Variants in WDR64 observed in about 807,000 individuals in gnomAD.
The protein encoded by WDR64 is WD repeat-containing protein 64.
In WDR64, 112 loss-of-function variants were observed where a neutral mutation model predicts 139.3. That is an observed-to-expected ratio of 0.80 (90% confidence interval 0.69 to 0.94). The LOEUF (loss-of-function observed/expected upper bound fraction) is 0.94, where lower values mean the gene tolerates loss of function less well. WDR64 is among the 40% of genes least tolerant of loss of function. The pLI is 0.00. For synonymous variants in WDR64, 444 were observed against 437.7 expected, an observed-to-expected ratio of 1.01 and a Z score of -0.18; for missense variants, 1,206 against 1,293.1, an observed-to-expected ratio of 0.93 and a Z score of 1.03.
intron 4 of WDR64, among the ~76,000 whole-genome samples, chr1:241,674,981 T>TTTTCTCCC (rs1666431973): frequency 2.7e-5 from 1 of 37,680 alleles, no homozygotes; most frequent in South Asian, 9.9e-4. Flanking sequence ...TCTTTCCTTC[T>TTTTCTCCC]TTCCTCCCTT....
At chr1:241,688,940 TGC>T (rs1311540727) in intron 8 of WDR64, among the ~76,000 whole-genome samples, 1 of 152,138 alleles carries the variant, frequency 6.6e-6, no homozygotes, top group African/African-American at 2.4e-5. Flanking sequence ...TTTTGAAACG[TGC>T]CAGAACATGT....
chr1:241,661,309 C>G (rs1249520231), intron 2 of WDR64, among the ~76,000 whole-genome samples: 1 of 151,684 alleles, frequency 6.6e-6, no homozygotes, highest in Non-Finnish European at 1.5e-5. Context: ...ATATATGGAG[C>G]CATCTCAAAA....
chr1:241,699,194 A>C (rs536652842), intron 8 of WDR64, among the ~76,000 whole-genome samples: 9 of 152,232 alleles, frequency 5.9e-5, no homozygotes, highest in Non-Finnish European at 1.2e-4. Context: ...CACATGCCTC[A>C]ATTTTTATTT....
chr1:241,699,003 G>A (rs984925600), intron 8 of WDR64, among the ~76,000 whole-genome samples: 1 of 152,018 alleles, frequency 6.6e-6, no homozygotes, highest in Admixed American at 6.6e-5. Flanking sequence ...GAAAACTGAG[G>A]GAAAAGGCCT....
At position 241,729,622 on chromosome 1, in the gene WDR64, A is replaced by G. The variant is rs79570820; in HGVS notation, c.1194+6186A>G. 9.4e-3 allele frequency among the ~76,000 whole-genome samples: 1,435 copies of G among 152,326 alleles called. 22 individuals carry two copies. Among genetic ancestry groups the G allele is most frequent in the African/African-American group, 0.033 (1,352 of 41,570 alleles). ...CCCAGACATCCTATATATCCTTTAC[A>G]TCTAAGTGAAATATCATGTCATGCC... On this transcript the variant is annotated intron_variant, in intron 10 of 27. Coordinates refer to ENST00000437684, the MANE Select transcript of WDR64 (RefSeq NM_001367482.1).
chr1:241,685,837 T>C (rs1193532162), intron 7 of WDR64, among the ~76,000 whole-genome samples: 2 of 152,222 alleles, frequency 1.3e-5, no homozygotes, highest in Non-Finnish European at 2.9e-5. Flanking sequence ...TGTGCTGCTC[T>C]ATATACTATT....
intron 15 of WDR64, among the ~76,000 whole-genome samples, chr1:241,760,027 ATG>A (rs1670362473): frequency 6.6e-6 from 1 of 152,170 alleles, no homozygotes; most frequent in East Asian, 1.9e-4. Context: ...AGATTCATCT[ATG>A]TGTAGCGTAT....
chr1:241,729,253 T>A (rs919827842), intron 10 of WDR64, among the ~76,000 whole-genome samples: 4 of 152,144 alleles, frequency 2.6e-5, no homozygotes, highest in African/African-American at 9.7e-5. Context: ...TTCAGACCCA[T>A]CCACCAAGGG....
At chr1:241,782,306 A>G (rs1297519941) in intron 22 of WDR64, among the ~76,000 whole-genome samples, 1 of 152,150 alleles carries the variant, frequency 6.6e-6, no homozygotes, top group Admixed American at 6.5e-5. Context: ...AAAAAGAACT[A>G]GGAGTCCAGA....
intron 14 of WDR64, among the ~76,000 whole-genome samples, chr1:241,755,920 T>C (rs529507645): frequency 2.6e-5 from 4 of 152,340 alleles, no homozygotes; most frequent in African/African-American, 7.2e-5. Flanking sequence ...CATTGGTCTA[T>C]ATGTCTGTTT....
At chr1:241,661,189 A>G (rs1665819602) in intron 2 of WDR64, among the ~76,000 whole-genome samples, 1 of 152,154 alleles carries the variant, frequency 6.6e-6, no homozygotes, top group South Asian at 2.1e-4. Flanking sequence ...ATAGTAGACA[A>G]AAGAAAAAGT....
chr1:241,692,191 T>C (rs1667329090), intron 8 of WDR64, among the ~76,000 whole-genome samples: 1 of 152,144 alleles, frequency 6.6e-6, no homozygotes, highest in South Asian at 2.1e-4. Context: ...CGTTCATGAA[T>C]AGAAGACTCA....
At chr1:241,774,902 T>C (rs1449191087) in intron 20 of WDR64, among the ~76,000 whole-genome samples, 1 of 152,212 alleles carries the variant, frequency 6.6e-6, no homozygotes, top group Non-Finnish European at 1.5e-5. Flanking sequence ...CAGTTGTCCA[T>C]ACCTTTAGTA....
chr1:241,784,953 G>GAAAAAAAAAAAAAAAAAAAAAA (rs58720618), intron 23 of WDR64, among the ~76,000 whole-genome samples: 9 of 62,246 alleles, frequency 1.4e-4, no homozygotes, highest in African/African-American at 4.3e-4. Context: ...GACTCTGTCT[G>GAAAAAAAAAAAAAAAAAAAAAA]AAAAAAAAAA....
At chr1:241,759,022 G>C (rs941017510) in intron 15 of WDR64, among the ~76,000 whole-genome samples, 4 of 151,376 alleles carry the variant, frequency 2.6e-5, no homozygotes, top group African/African-American at 9.7e-5. Context: ...TCTTTCTCTC[G>C]GAAAATTTTG....
chr1:241,712,420 G>A (rs987595311), intron 9 of WDR64, among the ~76,000 whole-genome samples: 17 of 152,152 alleles, frequency 1.1e-4, no homozygotes, highest in African/African-American at 3.9e-4. Context: ...CTGCTAAGAG[G>A]AAGGAAAAAG....
chr1:241,751,094 T>G (rs1176252940), intron 14 of WDR64, among the ~76,000 whole-genome samples: 1 of 152,188 alleles, frequency 6.6e-6, no homozygotes, highest in African/African-American at 2.4e-5. Context: ...TTTTTTTCAA[T>G]GACCAGTTAC....
rs1046086130 is a variant in WDR64, at chr1:241,661,546, C to G, written c.276+886C>G. ...AATGTAGGAAAAGCTGAAAAGCTATCCAGCTCACTTTATGAAGCTAAAATA... is the reference window on the plus strand; with the variant it reads ...AATGTAGGAAAAGCTGAAAAGCTATGCAGCTCACTTTATGAAGCTAAAATA... On this transcript the variant is annotated intron_variant, in intron 2 of 27. Coordinates refer to ENST00000437684, the MANE Select transcript of WDR64 (RefSeq NM_001367482.1). Among the ~76,000 whole-genome samples, 15 of 152,160 alleles carry G rather than the reference C, an allele frequency of 9.9e-5. 1 individual carries two copies. The highest frequency in any genetic ancestry group is 1.8e-4 in the Non-Finnish European group (12 of 67,984).
chr1:241,726,320 G>C lies in WDR64; in HGVS notation c.1194+2884G>C, dbSNP rs187907614. ...TGTAGTGGCTCATGCTTGTAATCCT[G>C]GCACTTTGGGAGGTCAAGGTGGGAG... On this transcript the variant is annotated intron_variant, in intron 10 of 27. Coordinates refer to ENST00000437684, the MANE Select transcript of WDR64 (RefSeq NM_001367482.1). Among the ~76,000 whole-genome samples, 363 of 152,084 alleles carry C rather than the reference G, an allele frequency of 2.4e-3. 1 individual carries two copies. Among genetic ancestry groups the C allele is most frequent in the African/African-American group, 8.5e-3 (351 of 41,490 alleles).
Sources: gnomAD v4.1 joint callset for allele counts (sites outside exome capture counted in the v4.1 genomes callset) on GRCh38, gnomAD v4.1.1 for gene constraint, MANE v1.5 for transcripts, NCBI Gene and HGNC (gene_info 2026-07-23, HGNC 2026-07-21) for gene names.